The following STRADB variants were observed in gnomAD, a reference collection of about 807,000 sequenced individuals.
STRADB encodes the protein STE20 related adaptor beta.
In STRADB, 34 loss-of-function variants were observed where a neutral mutation model predicts 52.1. The ratio of observed to expected loss-of-function variants is 0.65; its 90% CI spans 0.50 to 0.87. The LOEUF (loss-of-function observed/expected upper bound fraction) is 0.87, where lower values mean the gene tolerates loss of function less well. Among genes scored for constraint, STRADB ranks in the 40% least tolerant of loss-of-function variants. STRADB has a pLI of 0.00. For missense variants in STRADB, 340 were observed against 483.9 expected (o/e 0.70, Z 2.79); for synonymous variants, 133 against 174.5 (o/e 0.76, Z 1.87).
intron 1 of STRADB, among the ~76,000 whole-genome samples, chr2:201,453,836 C>A (rs545600062): frequency 6.6e-6 from 1 of 152,276 alleles, no homozygotes; most frequent in Non-Finnish European, 1.5e-5. Flanking sequence ...TTTAAATTGA[C>A]GGTAATGAAT....
At chr2:201,472,306 A>G (rs1952402592) in intron 4 of STRADB, among the ~76,000 whole-genome samples, 1 of 152,242 alleles carries the variant, frequency 6.6e-6, no homozygotes, top group African/African-American at 2.4e-5. Flanking sequence ...CCTGTATAGG[A>G]ATGTTTTTGG....
chr2:201,471,850 T>A (rs1952395066), intron 4 of STRADB, among the ~76,000 whole-genome samples: 1 of 152,168 alleles, frequency 6.6e-6, no homozygotes, highest in Admixed American at 6.5e-5. Context: ...CCTCAGTAAT[T>A]CTGGTGTGTG....
intron 3 of STRADB, among the ~76,000 whole-genome samples, chr2:201,462,573 AGGTT>A (rs1268213349): frequency 6.6e-6 from 1 of 151,828 alleles, no homozygotes; most frequent in East Asian, 1.9e-4. Context: ...TTATGATTTG[AGGTT>A]ACCATGAGGC....
chr2:201,472,654 A>G (rs1280616676), intron 4 of STRADB, among the ~76,000 whole-genome samples: 1 of 152,210 alleles, frequency 6.6e-6, no homozygotes, highest in African/African-American at 2.4e-5. Context: ...AATTTTAGTC[A>G]TCATAATAGA....
intron 1 of STRADB, among the ~76,000 whole-genome samples, chr2:201,452,167 G>T (rs1016072994): frequency 6.6e-6 from 1 of 151,916 alleles, no homozygotes; most frequent in African/African-American, 2.4e-5. Flanking sequence ...CCGGGCCGCG[G>T]GTTCGCAGCC....
chr2:201,476,483 A>T (rs1466273954), intron 7 of STRADB, among the ~76,000 whole-genome samples: 1 of 151,698 alleles, frequency 6.6e-6, no homozygotes, highest in Non-Finnish European at 1.5e-5. Context: ...TAAGTTTCTA[A>T]ATTCAGTGTT....
chr2:201,477,876 A>G, intron 8 of STRADB, 86 bp downstream of exon 8: 1 of 1,496,634 alleles, frequency 6.7e-7, no homozygotes, highest in Non-Finnish European at 9.1e-7. Context: ...TTATATTTGG[A>G]TTGGTGAATG....
intron 7 of STRADB, 56 bp from the exon 8 acceptor site, chr2:201,477,563 A>T: frequency 6.1e-6 from 9 of 1,471,796 alleles, no homozygotes; most frequent in Non-Finnish European, 6.5e-6. Flanking sequence ...CCAGATTTTT[A>T]TTCTTTCTTC....
intron 4 of STRADB, among the ~76,000 whole-genome samples, chr2:201,472,656 C>G (rs551195969): frequency 3.3e-4 from 50 of 152,164 alleles, no homozygotes; most frequent in Non-Finnish European, 6.6e-4. Context: ...TTTTAGTCAT[C>G]ATAATAGATA....
chr2:201,472,522 C>G (rs1952406150), intron 4 of STRADB, among the ~76,000 whole-genome samples: 1 of 152,146 alleles, frequency 6.6e-6, no homozygotes, highest in South Asian at 2.1e-4. Context: ...CAACTGTGTT[C>G]TTTTTGATAC....
At chr2:201,453,366 T>G (rs546646101) in intron 1 of STRADB, among the ~76,000 whole-genome samples, 2 of 152,274 alleles carry the variant, frequency 1.3e-5, no homozygotes. Flanking sequence ...ATAACCCTTC[T>G]GCTTGTGGGA....
chr2:201,470,431 T>G lies in STRADB; in HGVS notation c.193+379T>G, dbSNP rs538082319. Among the ~76,000 whole-genome samples the G allele has an allele frequency of 2.6e-5, 4 of 152,372 alleles. No homozygotes were observed. The East Asian group carries it at 5.8e-4, about 22-fold the overall frequency. On this transcript the variant is annotated intron_variant, in intron 4 of 11. Transcript: ENST00000194530. Reference sequence around the variant, plus strand: ...TTAAATTGCTTCTCAGTTTAAAAATTTATCTAAAATATCATTTGTAGTAGA... The same window carrying G: ...TTAAATTGCTTCTCAGTTTAAAAATGTATCTAAAATATCATTTGTAGTAGA...
intron 5 of STRADB, among the ~76,000 whole-genome samples, chr2:201,473,436 T>TG (rs542555572): frequency 5.3e-5 from 8 of 152,146 alleles, no homozygotes; most frequent in African/African-American, 1.9e-4. Flanking sequence ...TACTAAGGGG[T>TG]GATTGTATTT....
intron 7 of STRADB, among the ~76,000 whole-genome samples, chr2:201,477,058 T>G (rs1372047216): frequency 1.0e-5 from 1 of 95,570 alleles, no homozygotes; most frequent in South Asian, 4.0e-4. Flanking sequence ...ATCAGTTTTT[T>G]TTTTTTTTTT....
At chr2:201,474,110 T>C (rs565510457) in intron 5 of STRADB, among the ~76,000 whole-genome samples, 2 of 152,270 alleles carry the variant, frequency 1.3e-5, no homozygotes, top group African/African-American at 4.8e-5. Flanking sequence ...CAGGATGGTC[T>C]CGATCTCCTG....
rs775307941 is a variant in STRADB at position 201,474,625 on chromosome 2, G to A, written c.316-22G>A. The A allele has an allele frequency of 1.8e-5, 28 of 1,591,962 alleles. No homozygotes were observed. The East Asian group carries it at 6.1e-4, about 34-fold the overall frequency. On this transcript the variant is annotated intron_variant, in intron 5 of 11. Coordinates refer to ENST00000194530, the MANE Select transcript of STRADB (RefSeq NM_018571.6). ...AAAAACAGTTGTTTTTAAATGTCTT[G>A]TCTCTTGTGTGTTTATCCTAGAAAG... is the stretch of plus-strand genomic sequence containing the variant.
At chr2:201,462,742 T>C (rs1952235244) in intron 3 of STRADB, among the ~76,000 whole-genome samples, 1 of 152,232 alleles carries the variant, frequency 6.6e-6, no homozygotes, top group African/African-American at 2.4e-5. Context: ...CTTGTACTAT[T>C]TTGAAAAGGT....
intron 5 of STRADB, among the ~76,000 whole-genome samples, chr2:201,473,888 C>CTTTT (rs889640879): frequency 2.6e-5 from 3 of 115,722 alleles, no homozygotes; most frequent in Admixed American, 8.7e-5. Flanking sequence ...TGTTCCAATT[C>CTTTT]TTTTTTTTTT....
intron 3 of STRADB, among the ~76,000 whole-genome samples, chr2:201,463,571 T>TGAG (rs1355874318): frequency 6.6e-6 from 1 of 152,230 alleles, no homozygotes; most frequent in Non-Finnish European, 1.5e-5. Context: ...TCTTGGATAC[T>TGAG]GGATATTGAT....
Sources: allele counts gnomAD v4.1 joint callset (sites outside exome capture counted in the v4.1 genomes callset), GRCh38; gene constraint gnomAD v4.1.1; transcripts MANE v1.5; gene names NCBI Gene and HGNC (gene_info 2026-07-23, HGNC 2026-07-21).